TENM4: variants seen among roughly 807,000 people sequenced by gnomAD.
The protein encoded by TENM4 is teneurin transmembrane protein 4.
In TENM4, 82 loss-of-function variants were observed where a neutral mutation model predicts 243.3. The ratio of observed to expected loss-of-function variants is 0.34; its 90% confidence interval spans 0.28 to 0.40. The LOEUF (loss-of-function observed/expected upper bound fraction) is 0.40, where lower values mean the gene tolerates loss of function less well. Among genes scored for constraint, TENM4 ranks in the 10% least tolerant of loss-of-function variants. TENM4 has a pLI of 1.00. For missense variants in TENM4, 3,138 were observed against 3,673.3 expected (o/e 0.85, Z 3.77); for synonymous variants, 1,412 against 1,456.3 (o/e 0.97, Z 0.69).
chr11:79,359,460 T>C (rs369826781), intron 1 of TENM4, among the ~76,000 whole-genome samples: 3 of 152,190 alleles, frequency 2.0e-5, no homozygotes, highest in African/African-American at 7.2e-5. Context: ...GTCTTGGAAT[T>C]TGACTCAAAA....
intron 3 of TENM4, among the ~76,000 whole-genome samples, chr11:79,159,185 G>A (rs1226267684): frequency 4.6e-5 from 7 of 152,186 alleles, no homozygotes; most frequent in Non-Finnish European, 8.8e-5. Context: ...AGCAGGAAAC[G>A]CATCTTTGTT....
At chr11:78,827,471 CTATTTATTTATTTATT>C (rs55871470) in intron 12 of TENM4, among the ~76,000 whole-genome samples, 1 of 146,040 alleles carries the variant, frequency 6.8e-6, no homozygotes, top group African/African-American at 2.6e-5. Context: ...CCTTCAAAGC[CTATTTATTTATTTATT>C]TATTTATTTA....
chr11:78,686,905 T>A (rs1158768894), intron 29 of TENM4, among the ~76,000 whole-genome samples: 1 of 152,218 alleles, frequency 6.6e-6, no homozygotes, highest in African/African-American at 2.4e-5. Context: ...AAAGTGGTTG[T>A]AAGAATATAC....
chr11:79,239,949 G>A (rs183123442), intron 2 of TENM4, among the ~76,000 whole-genome samples: 1 of 152,264 alleles, frequency 6.6e-6, no homozygotes, highest in Non-Finnish European at 1.5e-5. Context: ...GATTGTTGCA[G>A]CAATCAAATG....
intron 1 of TENM4, among the ~76,000 whole-genome samples, chr11:79,333,696 A>T (rs1289553990): frequency 6.6e-6 from 1 of 152,254 alleles, no homozygotes. Flanking sequence ...TGAAGGCCTA[A>T]GAAAAATGAA....
chr11:78,850,672 A>G (rs1858514503), intron 12 of TENM4, among the ~76,000 whole-genome samples: 1 of 152,250 alleles, frequency 6.6e-6, no homozygotes, highest in Non-Finnish European at 1.5e-5. Flanking sequence ...CAGACAGGTC[A>G]GAAAGGCAGC....
chr11:78,893,891 C>T (rs896913940), intron 7 of TENM4, among the ~76,000 whole-genome samples: 3 of 152,064 alleles, frequency 2.0e-5, no homozygotes, highest in African/African-American at 7.3e-5. Context: ...TAAACACACA[C>T]ACACATATCC....
At chr11:79,291,710 T>C (rs907875014) in intron 2 of TENM4, among the ~76,000 whole-genome samples, 1 of 152,194 alleles carries the variant, frequency 6.6e-6, no homozygotes, top group African/African-American at 2.4e-5. Flanking sequence ...TACTCCAGTG[T>C]ACAGGGCCAG....
At chr11:78,940,135 A>G (rs928271226) in intron 6 of TENM4, among the ~76,000 whole-genome samples, 16 of 152,176 alleles carry the variant, frequency 1.1e-4, no homozygotes, top group Admixed American at 7.2e-4. Context: ...TTTCTTTTAC[A>G]TATTTAAGCA....
At chr11:78,859,410 AT>A (rs1207763865) in intron 10 of TENM4, among the ~76,000 whole-genome samples, 2 of 152,356 alleles carry the variant, frequency 1.3e-5, no homozygotes, top group African/African-American at 4.8e-5. Context: ...TTTACTGATA[AT>A]AGTCCTTTGC....
At chr11:78,786,864 A>G in intron 16 of TENM4, 34 bp downstream of exon 16, 1 of 1,577,504 alleles carries the variant, frequency 6.3e-7, no homozygotes, top group Non-Finnish European at 8.6e-7. Flanking sequence ...CCTGCAGACC[A>G]GAGAAGGTAC....
chr11:78,668,692 A>G (rs770854304), intron 32 of TENM4, among the ~76,000 whole-genome samples: 3 of 152,214 alleles, frequency 2.0e-5, no homozygotes, highest in Non-Finnish European at 4.4e-5. Context: ...CTTATCATAC[A>G]CTGAAATGTA....
chr11:79,360,164 G>T (rs1016784380), intron 1 of TENM4, among the ~76,000 whole-genome samples: 1 of 152,088 alleles, frequency 6.6e-6, no homozygotes, highest in African/African-American at 2.4e-5. Context: ...TCATTTATGT[G>T]TCTGACTTCT....
intron 28 of TENM4, among the ~76,000 whole-genome samples, chr11:78,695,427 C>A (rs1858936211): frequency 6.6e-6 from 1 of 152,156 alleles, no homozygotes. Flanking sequence ...TGCAATGGCA[C>A]ATCTCAGCTC....
intron 2 of TENM4, among the ~76,000 whole-genome samples, chr11:79,290,353 G>T (rs2135380492): frequency 6.6e-6 from 1 of 152,228 alleles, no homozygotes; most frequent in African/African-American, 2.4e-5. Context: ...ACTCTTTAAG[G>T]TTATTGTTAT....
intron 1 of TENM4, among the ~76,000 whole-genome samples, chr11:79,359,698 A>T (rs1857558758): frequency 6.6e-6 from 1 of 152,186 alleles, no homozygotes; most frequent in Admixed American, 6.5e-5. Context: ...AAAGCAGGGC[A>T]GTTACCTAGA....
At chr11:78,709,675 G>T (rs1269446917) in intron 26 of TENM4, among the ~76,000 whole-genome samples, 1 of 152,150 alleles carries the variant, frequency 6.6e-6, no homozygotes, top group African/African-American at 2.4e-5. Flanking sequence ...CTGCATTTTT[G>T]ACAAGCACCT....
chr11:78,867,033 G>A (rs1396519921), intron 9 of TENM4, among the ~76,000 whole-genome samples: 1 of 152,186 alleles, frequency 6.6e-6, no homozygotes, highest in Non-Finnish European at 1.5e-5. Flanking sequence ...GGCTTGCAAT[G>A]CATGATACTC....
chr11:79,083,733 A>C (rs1213854427), intron 4 of TENM4, among the ~76,000 whole-genome samples: 2 of 152,170 alleles, frequency 1.3e-5, no homozygotes, highest in African/African-American at 4.8e-5. Context: ...TCCCAAACCA[A>C]GACCTCTCTT....
Sources: gnomAD v4.1 joint callset for allele counts (sites outside exome capture counted in the v4.1 genomes callset) on GRCh38, gnomAD v4.1.1 for gene constraint, MANE v1.5 for transcripts, NCBI Gene and HGNC (gene_info 2026-07-23, HGNC 2026-07-21) for gene names.